Variants in ADI1 observed in about 807,000 individuals in gnomAD.
ADI1 encodes acireductone dioxygenase.
ADI1 carries 21 observed loss-of-function variants against 18.7 expected under a neutral mutation model. The observed-to-expected ratio is 1.13, with a 90% CI of 0.80 to 1.62. ADI1 has a LOEUF of 1.62. Among genes scored for constraint, ADI1 ranks in the 40% most tolerant of loss-of-function variants. ADI1 has a pLI of 0.00. For missense variants in ADI1, 245 were observed against 254.9 expected (o/e 0.96, Z 0.26); for synonymous variants, 90 against 100.1 (o/e 0.90, Z 0.60).
At position 3,500,799 on chromosome 2, in the gene ADI1, G is replaced by T. The variant is rs1191350581; in HGVS notation, c.420+15C>A. 1 of 1,613,514 alleles carries T rather than the reference G, an allele frequency of 6.2e-7. No homozygotes were observed. The highest frequency in any genetic ancestry group is 8.5e-7 in the Non-Finnish European group (1 of 1,179,648). On this transcript the variant is annotated intron_variant, in intron 3 of 3. Coordinates refer to ENST00000327435, the MANE Select transcript of ADI1 (RefSeq NM_018269.4). Reference sequence around the variant, plus strand: ...CACACAGGCCGGGCCTGGGGAGAAAGCACAGCACTCCCACCTTCTCGTCCA... The same window carrying T: ...CACACAGGCCGGGCCTGGGGAGAAATCACAGCACTCCCACCTTCTCGTCCA...
Position 3,503,369 on chromosome 2 carries a change from GCA to G in ADI1, c.241-2378_241-2377del, listed in dbSNP as rs749378370. On this transcript the variant is annotated intron_variant, in intron 2 of 3. Transcript: ENST00000327435. ...TACTCACACGCACATTCACACACAT[GCA>G]CACATACACACGTACTCACACGCAC... 6.9e-4 allele frequency among the ~76,000 whole-genome samples: 71 copies of G among 102,256 alleles called. 17 individuals are homozygous for G. The highest frequency in any genetic ancestry group is 1.1e-3 in the Non-Finnish European group (61 of 57,522). 67.1% of individuals were successfully genotyped at this position (102,256 alleles called of 152,430 possible).
chr2:3,499,926 G>A (rs1243842136), intron 3 of ADI1, among the ~76,000 whole-genome samples: 3 of 152,124 alleles, frequency 2.0e-5, no homozygotes, highest in South Asian at 2.1e-4. Flanking sequence ...TTAGCCGGGC[G>A]TGGTGGTGTG....
intron 2 of ADI1, among the ~76,000 whole-genome samples, chr2:3,503,639 T>TCTAAGTGCCAGGG (rs1667099069): frequency 6.6e-6 from 1 of 152,200 alleles, no homozygotes; most frequent in African/African-American, 2.4e-5. Flanking sequence ...CATCCGAGTT[T>TCTAAGTGCCAGGG]CTAAGTGCCA....
intron 2 of ADI1, among the ~76,000 whole-genome samples, chr2:3,509,979 A>G (rs1667262359): frequency 6.6e-6 from 1 of 152,108 alleles, no homozygotes; most frequent in Admixed American, 6.5e-5. Context: ...CCCCGTATCT[A>G]CTAAAAATAC....
rs1270199049 is a variant in ADI1 at position 3,498,507 on chromosome 2, T to C, written c.*456A>G. ...CAAGGAAGTGGCATAAGCAACTCAG[T>C]GTGTGCCCCTTAGGGTGGGAGCTCT... is the stretch of plus-strand genomic sequence containing the variant. On this transcript the variant is annotated 3_prime_UTR_variant, in exon 4 of 4. Coordinates refer to ENST00000327435, the MANE Select transcript of ADI1 (RefSeq NM_018269.4). 6.5e-6 allele frequency: 1 copy of C among 154,542 alleles called. No homozygotes were observed. The highest frequency in any genetic ancestry group is 1.4e-5 in the Non-Finnish European group (1 of 69,674). The allele number at this position is 154,542 out of a possible 1,614,324, so 9.6% of individuals were successfully genotyped here.
chr2:3,497,585 G>A lies in ADI1; in HGVS notation c.*1378C>T, dbSNP rs4398301. The A allele has an allele frequency of 0.13, 19,019 of 151,990 alleles. 1,383 individuals carry two copies. Among genetic ancestry groups the A allele is most frequent in the East Asian group, 0.23 (1,190 of 5,146 alleles). The allele number at this position is 151,990 out of a possible 1,614,324, so 9.4% of individuals were successfully genotyped here. On this transcript the variant is annotated 3_prime_UTR_variant, in exon 4 of 4. Transcript: ENST00000327435. ...CACAATCACAGCTCACTGCAGCCTC[G>A]ACCTCCCAGGCTCTAAGAATCCTCC... is the stretch of plus-strand genomic sequence containing the variant.
chr2:3,515,581 T>C (rs1281662827), intron 1 of ADI1: 4 of 152,080 alleles, frequency 2.6e-5, no homozygotes, highest in Non-Finnish European at 5.9e-5. Flanking sequence ...GGTTCTGCTT[T>C]TGCCCTTTGT....
At chr2:3,507,905 A>T (rs981281617) in intron 2 of ADI1, among the ~76,000 whole-genome samples, 1 of 152,198 alleles carries the variant, frequency 6.6e-6, no homozygotes, top group African/African-American at 2.4e-5. Flanking sequence ...ACACTCAGTT[A>T]TTGGGTAAAT....
At chr2:3,500,726 T>C (rs777974529) in intron 3 of ADI1, 88 bp downstream of exon 3, 2 of 1,576,790 alleles carry the variant, frequency 1.3e-6, no homozygotes, top group East Asian at 4.5e-5. Flanking sequence ...GCTTGGAGTC[T>C]GCGGAAGCCG....
intron 2 of ADI1, among the ~76,000 whole-genome samples, chr2:3,505,625 T>C (rs1028280832): frequency 2.0e-5 from 3 of 152,162 alleles, no homozygotes; most frequent in Non-Finnish European, 4.4e-5. Context: ...GCCAGCCAGA[T>C]CCCAGCCTGC....
At chr2:3,518,793 C>T (rs769322018) in intron 1 of ADI1, among the ~76,000 whole-genome samples, 4 of 152,240 alleles carry the variant, frequency 2.6e-5, no homozygotes. Flanking sequence ...GGGCGTCGGA[C>T]AAGCCCAACG....
chr2:3,513,340 C>T (rs1053179388), intron 2 of ADI1, among the ~76,000 whole-genome samples: 1 of 152,054 alleles, frequency 6.6e-6, no homozygotes, highest in Non-Finnish European at 1.5e-5. Context: ...GGGGCCGGGG[C>T]AGAATAATAC....
At position 3,504,904 on chromosome 2, in the gene ADI1, G is replaced by GGTTCACCTGAGTATGTTTGCATTGTCA. The variant is rs1322200141; in HGVS notation, c.241-3938_241-3912dup. 2.0e-5 allele frequency among the ~76,000 whole-genome samples: 3 copies of GGTTCACCTGAGTATGTTTGCATTGTCA among 150,236 alleles called. No individual in the cohort carries two copies. The East Asian group carries it at 5.9e-4, about 30-fold the overall frequency. ...TTCACCTGCGTATGTTTGCGTTGTT[G>GGTTCACCTGAGTATGTTTGCATTGTCA]GTTCACCTGAGTATGTTTGCATTGT... On this transcript the variant is annotated intron_variant, in intron 2 of 3. Transcript: ENST00000327435.
intron 2 of ADI1, among the ~76,000 whole-genome samples, chr2:3,511,321 T>C (rs1472203097): frequency 1.3e-5 from 2 of 151,786 alleles, no homozygotes; most frequent in South Asian, 4.2e-4. Context: ...AGAACTGAGA[T>C]GCAATTAAAC....
chr2:3,498,162 C>G lies in ADI1; in HGVS notation c.*801G>C, dbSNP rs746239496. 6.6e-6 allele frequency: 1 copy of G among 152,190 alleles called. No homozygotes were observed. The highest frequency in any genetic ancestry group is 1.5e-5 in the Non-Finnish European group (1 of 68,040). The allele number at this position is 152,190 out of a possible 1,614,324, so 9.4% of individuals were successfully genotyped here. On this transcript the variant is annotated 3_prime_UTR_variant, in exon 4 of 4. Coordinates refer to ENST00000327435, the MANE Select transcript of ADI1 (RefSeq NM_018269.4). ...AGAAATACTTTAAAAACGACCTGCCCTTCCAAAACATGAAGTTAACTTGGA... is the reference window on the plus strand; with the variant it reads ...AGAAATACTTTAAAAACGACCTGCCGTTCCAAAACATGAAGTTAACTTGGA...
At chr2:3,499,151 A>G (rs1038177489) in intron 3 of ADI1, 69 bp from the exon 4 acceptor site, 8 of 1,555,334 alleles carry the variant, frequency 5.1e-6, no homozygotes, top group Non-Finnish European at 7.0e-6. Flanking sequence ...ATTTATTAAC[A>G]TATCAACTTG....
At position 3,519,282 on chromosome 2, in the gene ADI1, G is replaced by A; in HGVS notation, c.120+86C>T. The A allele has an allele frequency of 4.6e-6, 6 of 1,312,344 alleles. No individual in the cohort carries two copies. In the South Asian group the frequency reaches 1.2e-4, roughly 26 times the overall value. 81.3% of individuals were successfully genotyped at this position (1,312,344 alleles called of 1,614,324 possible). ...AGCATGCCGCGGCTCCCAGGCCGCT[G>A]CCCGGCACCTGGAGGAGGCTGGGCT... is the stretch of plus-strand genomic sequence containing the variant. On this transcript the variant is annotated intron_variant, in intron 1 of 3. Transcript: ENST00000327435.
chr2:3,499,310 A>T (rs550391398), intron 3 of ADI1, among the ~76,000 whole-genome samples: 51 of 152,310 alleles, frequency 3.3e-4, no homozygotes, highest in African/African-American at 1.2e-3. Flanking sequence ...GAGCATCTGG[A>T]GCTGAGGCTT....
chr2:3,513,647 T>A (rs539588957), intron 2 of ADI1, among the ~76,000 whole-genome samples: 1 of 152,318 alleles, frequency 6.6e-6, no homozygotes, highest in East Asian at 1.9e-4. Context: ...CAGATGGTGG[T>A]GACAGGAAGC....
Sources: gnomAD v4.1 joint callset for allele counts (sites outside exome capture counted in the v4.1 genomes callset) on GRCh38, gnomAD v4.1.1 for gene constraint, MANE v1.5 for transcripts, NCBI Gene and HGNC (gene_info 2026-07-23, HGNC 2026-07-21) for gene names.